The following CNTNAP2 variants were observed in gnomAD, a reference collection of about 807,000 sequenced individuals.
The protein encoded by CNTNAP2 is contactin-associated protein-like 2.
A neutral mutation model predicts 155.2 loss-of-function variants in CNTNAP2; 98 were observed. The ratio of observed to expected loss-of-function variants is 0.63; its 90% CI spans 0.54 to 0.75. The LOEUF (loss-of-function observed/expected upper bound fraction) is 0.75, where lower values mean the gene tolerates loss of function less well. Among genes scored for constraint, CNTNAP2 ranks in the 30% least tolerant of loss-of-function variants. CNTNAP2 has a pLI of 0.00. For missense variants in CNTNAP2, 1,727 were observed against 1,688.1 expected, an observed-to-expected ratio of 1.02 and a Z score of -0.40; for synonymous variants, 651 against 631.2, an observed-to-expected ratio of 1.03 and a Z score of -0.47.
intron 18 of CNTNAP2, among the ~76,000 whole-genome samples, chr7:148,193,655 T>C (rs1795233051): frequency 6.6e-6 from 1 of 152,080 alleles, no homozygotes; most frequent in African/African-American, 2.4e-5. Context: ...TGGTGCTTTC[T>C]GCCATGCTGT....
chr7:147,398,280 A>G (rs528293411), intron 10 of CNTNAP2, among the ~76,000 whole-genome samples: 4 of 152,168 alleles, frequency 2.6e-5, no homozygotes, highest in Admixed American at 2.6e-4. Flanking sequence ...AGACTTTGCA[A>G]CTGCCCCGTA....
intron 2 of CNTNAP2, among the ~76,000 whole-genome samples, chr7:146,813,713 A>G (rs1803111780): frequency 6.6e-6 from 1 of 152,014 alleles, no homozygotes; most frequent in African/African-American, 2.4e-5. Context: ...AGGACTTGAG[A>G]TTTTGGAGGG....
At chr7:146,599,614 T>A (rs1466649647) in intron 1 of CNTNAP2, among the ~76,000 whole-genome samples, 5 of 152,082 alleles carry the variant, frequency 3.3e-5, no homozygotes, top group African/African-American at 1.2e-4. Context: ...CTCCTCCTTA[T>A]ATTATGCTTT....
intron 3 of CNTNAP2, among the ~76,000 whole-genome samples, chr7:146,959,844 G>A (rs1377712687): frequency 6.6e-6 from 1 of 152,094 alleles, no homozygotes; most frequent in East Asian, 1.9e-4. Context: ...CAAATGCACA[G>A]AATATGGGAC....
At chr7:146,208,760 C>T (rs573088907) in intron 1 of CNTNAP2, 5 of 152,182 alleles carry the variant, frequency 3.3e-5, no homozygotes, top group South Asian at 2.1e-4. Flanking sequence ...CCATTATGGT[C>T]GCAGCTTGTC....
At chr7:146,758,579 G>T (rs971386902) in intron 1 of CNTNAP2, among the ~76,000 whole-genome samples, 4 of 152,146 alleles carry the variant, frequency 2.6e-5, no homozygotes, top group African/African-American at 7.2e-5. Flanking sequence ...AAGGTGAAAG[G>T]CACATCTCAC....
intron 14 of CNTNAP2, among the ~76,000 whole-genome samples, chr7:147,971,754 A>T (rs567862585): frequency 3.3e-5 from 5 of 152,328 alleles, no homozygotes; most frequent in African/African-American, 1.2e-4. Flanking sequence ...TGCTATAAAC[A>T]TCTACCTAAA....
At chr7:146,929,320 G>A (rs1796691836) in intron 3 of CNTNAP2, among the ~76,000 whole-genome samples, 1 of 152,168 alleles carries the variant, frequency 6.6e-6, no homozygotes, top group African/African-American at 2.4e-5. Context: ...CTGATACCCA[G>A]GCAAACAGGG....
chr7:146,846,565 G>A (rs1319368897), intron 3 of CNTNAP2, among the ~76,000 whole-genome samples: 1 of 152,018 alleles, frequency 6.6e-6, no homozygotes, highest in Non-Finnish European at 1.5e-5. Context: ...ATACTGTAAT[G>A]CATCTACTAG....
chr7:146,387,383 C>T (rs1489534640), intron 1 of CNTNAP2, among the ~76,000 whole-genome samples: 2 of 152,118 alleles, frequency 1.3e-5, no homozygotes, highest in Non-Finnish European at 2.9e-5. Context: ...TTAGAACAGC[C>T]TACTCCCCTT....
intron 18 of CNTNAP2, among the ~76,000 whole-genome samples, chr7:148,186,770 C>T (rs1461802985): frequency 6.6e-6 from 1 of 152,182 alleles, no homozygotes; most frequent in Non-Finnish European, 1.5e-5. Flanking sequence ...TATTTAATAG[C>T]TGATTCATTC....
intron 13 of CNTNAP2, among the ~76,000 whole-genome samples, chr7:147,645,191 G>C (rs1795346839): frequency 6.6e-6 from 1 of 152,088 alleles, no homozygotes; most frequent in African/African-American, 2.4e-5. Flanking sequence ...CTGTGATTTA[G>C]TGGCTTTGAA....
At chr7:148,049,575 G>A (rs534305801) in intron 15 of CNTNAP2, among the ~76,000 whole-genome samples, 19 of 152,200 alleles carry the variant, frequency 1.2e-4, no homozygotes, top group Admixed American at 7.8e-4. Flanking sequence ...ACAGTGGACC[G>A]CACAGATAAC....
intron 21 of CNTNAP2, among the ~76,000 whole-genome samples, chr7:148,314,323 A>G (rs1236436302): frequency 1.3e-5 from 2 of 152,206 alleles, no homozygotes; most frequent in Admixed American, 1.3e-4. Flanking sequence ...TGCCTATTTT[A>G]TGACAAGAAT....
chr7:147,618,708 T>C (rs868678268), intron 12 of CNTNAP2, among the ~76,000 whole-genome samples: 2,675 of 131,916 alleles, frequency 0.02, 78 homozygotes, highest in African/African-American at 0.087. Context: ...ACAGCTATTA[T>C]ACACACACAC....
Position 147,500,197 on chromosome 7 carries a change from AT to A in CNTNAP2, c.1777+14157del, listed in dbSNP as rs1313911082. Among the ~76,000 whole-genome samples, 6 of 152,210 alleles carry A rather than the reference AT, an allele frequency of 3.9e-5. No individual in the cohort carries two copies. In the East Asian group the frequency reaches 9.7e-4, roughly 25 times the overall value. On this transcript the variant is annotated intron_variant, in intron 11 of 23. Coordinates refer to ENST00000361727, the MANE Select transcript of CNTNAP2 (RefSeq NM_014141.6). ...ATCTATCACTGACATTTACTCTTTT[AT>A]CCTTTATGCAGAAGGGCTTTTCATT...
chr7:146,404,141 A>AAAAAAAAC (rs1367526173), intron 1 of CNTNAP2, among the ~76,000 whole-genome samples: 7 of 147,476 alleles, frequency 4.7e-5, no homozygotes, highest in African/African-American at 1.9e-4. Context: ...AAAAAAAAAA[A>AAAAAAAAC]ACAAAGAACT....
chr7:146,126,776 T>A lies in CNTNAP2; in HGVS notation c.97+9803T>A, dbSNP rs534054039. Among the ~76,000 whole-genome samples the A allele has an allele frequency of 5.3e-5, 8 of 152,334 alleles. No homozygotes were observed. In the South Asian group the frequency reaches 1.7e-3, roughly 32 times the overall value. On this transcript the variant is annotated intron_variant, in intron 1 of 23. Transcript: ENST00000361727. ...AGAGTGCTGTTGAGAAAATAACTTT[T>A]TCCTTTGCTTTCATGGCAGTGGGAA...
intron 8 of CNTNAP2, among the ~76,000 whole-genome samples, chr7:147,224,501 G>C (rs759619173): frequency 6.6e-6 from 1 of 152,072 alleles, no homozygotes; most frequent in Non-Finnish European, 1.5e-5. Flanking sequence ...GTGTGCTACC[G>C]TAACAGTGTG....
Sources: gnomAD v4.1 joint callset for allele counts (sites outside exome capture counted in the v4.1 genomes callset) on GRCh38, gnomAD v4.1.1 for gene constraint, MANE v1.5 for transcripts, NCBI Gene and HGNC (gene_info 2026-07-23, HGNC 2026-07-21) for gene names.